The following KCNH1 variants were observed in gnomAD, a reference collection of about 807,000 sequenced individuals.
The protein encoded by KCNH1 is potassium voltage-gated channel subfamily H member 1, also known as voltage-gated delayed rectifier potassium channel KCNH1.
A neutral mutation model predicts 69.2 loss-of-function variants in KCNH1; 27 were observed. The observed-to-expected ratio is 0.39, with a 90% CI of 0.29 to 0.54. The LOEUF (loss-of-function observed/expected upper bound fraction) is 0.54. Among genes scored for constraint, KCNH1 ranks in the 20% least tolerant of loss-of-function variants. The probability of loss-of-function intolerance (pLI) is 0.68; values close to 1 mark genes in which losing one functional copy is unlikely to be tolerated. For synonymous variants in KCNH1, 456 were observed against 487.7 expected, an observed-to-expected ratio of 0.93 and a Z score of 0.86; for missense variants, 798 against 1,261.6, an observed-to-expected ratio of 0.63 and a Z score of 5.57.
At chr1:210,834,263 T>C (rs1685232611) in intron 7 of KCNH1, among the ~76,000 whole-genome samples, 1 of 150,734 alleles carries the variant, frequency 6.6e-6, no homozygotes, top group Admixed American at 6.6e-5. Flanking sequence ...CTATTCACAA[T>C]AGCAAAGACT....
intron 6 of KCNH1, among the ~76,000 whole-genome samples, chr1:210,993,307 C>T (rs748214583): frequency 1.3e-5 from 2 of 152,016 alleles, no homozygotes; most frequent in South Asian, 2.1e-4. Context: ...CTCATTCTAC[C>T]GAAAAGGAAT....
Position 210,764,248 on chromosome 1 carries a change from C to T in KCNH1, c.2112+11100G>A, listed in dbSNP as rs566133446. Among the ~76,000 whole-genome samples, 27 of 152,174 alleles carry T rather than the reference C, an allele frequency of 1.8e-4. 1 individual carries two copies. In the South Asian group the frequency reaches 5.2e-3, roughly 29 times the overall value. The stretch of plus-strand genomic sequence containing the variant: ...ATGAATTAAAGACTTAAATGTAATA[C>T]CTCAAACTATAAAAATCCTAGAAGA... On this transcript the variant is annotated intron_variant, in intron 10 of 10. Transcript: ENST00000271751.
At chr1:210,877,897 T>C (rs543744506) in intron 7 of KCNH1, among the ~76,000 whole-genome samples, 1 of 152,196 alleles carries the variant, frequency 6.6e-6, no homozygotes, top group East Asian at 1.9e-4. Flanking sequence ...TCATTAACAG[T>C]GTAAGTCAAA....
chr1:210,839,378 G>A (rs1338933210), intron 7 of KCNH1, among the ~76,000 whole-genome samples: 1 of 151,902 alleles, frequency 6.6e-6, no homozygotes, highest in Non-Finnish European at 1.5e-5. Context: ...ATGGACACAC[G>A]CTGGGGAACA....
chr1:210,796,812 C>A (rs574394515), intron 9 of KCNH1, among the ~76,000 whole-genome samples: 2 of 152,068 alleles, frequency 1.3e-5, no homozygotes, highest in Non-Finnish European at 2.9e-5. Context: ...GTCTCCTTAC[C>A]CCAGCCTTCC....
intron 10 of KCNH1, among the ~76,000 whole-genome samples, chr1:210,754,756 A>C (rs892298693): frequency 2.6e-5 from 4 of 152,034 alleles, no homozygotes; most frequent in African/African-American, 9.7e-5. Flanking sequence ...ACCATGAGCT[A>C]ATTAAAACTC....
intron 7 of KCNH1, among the ~76,000 whole-genome samples, chr1:210,804,964 A>G (rs1684504860): frequency 6.6e-6 from 1 of 152,190 alleles, no homozygotes; most frequent in African/African-American, 2.4e-5. Flanking sequence ...AAGGACCATT[A>G]TGTTATTACA....
At chr1:211,012,619 G>T (rs1689414054) in intron 6 of KCNH1, among the ~76,000 whole-genome samples, 1 of 152,152 alleles carries the variant, frequency 6.6e-6, no homozygotes, top group Non-Finnish European at 1.5e-5. Context: ...CTAGGAATTG[G>T]GGTAGGGGGA....
rs1689537366 is a variant in KCNH1, at chr1:211,018,676, C to T, written c.1032+107G>A. Reference sequence around the variant, plus strand: ...TCAAGCATGCTCCCTCTGTTCTGGACATCAGTCATGCTATTTCCCACCCAT... The same window carrying T: ...TCAAGCATGCTCCCTCTGTTCTGGATATCAGTCATGCTATTTCCCACCCAT... On this transcript the variant is annotated intron_variant, in intron 6 of 10. Coordinates refer to ENST00000271751, the MANE Select transcript of KCNH1 (RefSeq NM_172362.3). 3.4e-6 allele frequency: 3 copies of T among 893,800 alleles called. No homozygotes were observed. In the Admixed American group the frequency reaches 7.3e-5, roughly 22 times the overall value. The allele number at this position is 893,800 out of a possible 1,614,324, so 55.4% of individuals were successfully genotyped here. A position where few individuals can be genotyped will look rare whatever the true frequency, so the allele number is the denominator to read the frequency against.
chr1:211,066,411 C>CA lies in KCNH1; in HGVS notation c.558+16368dup, dbSNP rs541285256. Among the ~76,000 whole-genome samples, 57 of 152,166 alleles carry CA rather than the reference C, an allele frequency of 3.7e-4. 1 individual carries two copies. The highest frequency in any genetic ancestry group is 1.3e-3 in the African/African-American group (56 of 41,512). On this transcript the variant is annotated intron_variant, in intron 5 of 10. Coordinates refer to ENST00000271751, the MANE Select transcript of KCNH1 (RefSeq NM_172362.3). Reference sequence around the variant, plus strand: ...CTTGGGAATGGAACCCAAGTCTAAACAAAAAATTCATTTTTGTTTCATGTA... The same window carrying CA: ...CTTGGGAATGGAACCCAAGTCTAAACAAAAAAATTCATTTTTGTTTCATGTA...
chr1:210,947,845 C>G (rs942245868), intron 6 of KCNH1, among the ~76,000 whole-genome samples: 1 of 152,084 alleles, frequency 6.6e-6, no homozygotes, highest in Non-Finnish European at 1.5e-5. Flanking sequence ...GAGCATATCA[C>G]TTAATCACTA....
chr1:211,087,973 C>A (rs1462808378), intron 4 of KCNH1, among the ~76,000 whole-genome samples: 2 of 152,124 alleles, frequency 1.3e-5, no homozygotes. Context: ...GTGTTGGACC[C>A]TTTGTGGGCG....
At chr1:210,916,968 T>C (rs2102556872) in intron 7 of KCNH1, among the ~76,000 whole-genome samples, 1 of 151,890 alleles carries the variant, frequency 6.6e-6, no homozygotes, top group Non-Finnish European at 1.5e-5. Flanking sequence ...GCCAACATGG[T>C]GAAACCCCAT....
intron 10 of KCNH1, among the ~76,000 whole-genome samples, chr1:210,718,970 G>A (rs770621323): frequency 1.3e-5 from 2 of 152,074 alleles, no homozygotes; most frequent in Non-Finnish European, 2.9e-5. Flanking sequence ...GATTTCCAGC[G>A]TGGTAGATGA....
Position 210,683,536 on chromosome 1 carries a change from G to A in KCNH1, c.2715C>T (p.Pro905=). The stretch of plus-strand genomic sequence containing the variant: ...ACGAATGCTTGACCTCTGCCAGGAT[G>A]GGACTCCGATCCTGGGGACTCCTGG... ...GEARSPQDRS[P]ILAEVKHSFY... The change falls in exon 11 of 11, where the codon CCC becomes CCT. Residue 905 remains proline (P), a synonymous_variant. Coordinates refer to ENST00000271751, the MANE Select transcript of KCNH1 (RefSeq NM_172362.3). This position sits in a 1 kb window ranked among gnomAD's most constrained non-coding sequence, Gnocchi z 5.7. 6.2e-7 allele frequency: 1 copy of A among 1,614,102 alleles called. No individual in the cohort carries two copies. The highest frequency in any genetic ancestry group is 8.5e-7 in the Non-Finnish European group (1 of 1,180,028).
At chr1:210,901,465 G>A (rs901567209) in intron 7 of KCNH1, among the ~76,000 whole-genome samples, 6 of 152,196 alleles carry the variant, frequency 3.9e-5, no homozygotes, top group Non-Finnish European at 8.8e-5. Flanking sequence ...GTGTGGGATG[G>A]TGTGGGCAGA....
chr1:210,781,128 C>A (rs551269589), intron 9 of KCNH1, among the ~76,000 whole-genome samples: 35 of 152,282 alleles, frequency 2.3e-4, no homozygotes, highest in South Asian at 1.7e-3. Flanking sequence ...CCTTCATTCA[C>A]CTGTAGAAAT....
rs150451228 is a variant in KCNH1, at chr1:210,849,365, C to CTTTTTTTTTTTT, written c.1463-45211_1463-45200dup. Reference sequence around the variant, plus strand: ...TGCGTGTGTGTGCTTTTCTTTCTTTCTTTTTTTTTTTTTTTTTGAGACGGA... The same window carrying CTTTTTTTTTTTT: ...TGCGTGTGTGTGCTTTTCTTTCTTTCTTTTTTTTTTTTTTTTTTTTTTTTTTTTTGAGACGGA... On this transcript the variant is annotated intron_variant, in intron 7 of 10. Transcript: ENST00000271751. Among the ~76,000 whole-genome samples, 4 of 128,040 alleles carry CTTTTTTTTTTTT rather than the reference C, an allele frequency of 3.1e-5. 1 individual carries two copies. Among genetic ancestry groups the CTTTTTTTTTTTT allele is most frequent in the Non-Finnish European group, 4.9e-5 (3 of 61,220 alleles). 84.0% of individuals were successfully genotyped at this position (128,040 alleles called of 152,430 possible). A position where few individuals can be genotyped will look rare whatever the true frequency, so the allele number is the denominator to read the frequency against.
intron 9 of KCNH1, among the ~76,000 whole-genome samples, chr1:210,791,249 C>T (rs1156902838): frequency 1.3e-5 from 2 of 152,232 alleles, no homozygotes. Context: ...TTCATCATCT[C>T]ACCCCATTCC....
Sources: allele counts gnomAD v4.1 joint callset (sites outside exome capture counted in the v4.1 genomes callset), GRCh38; gene constraint gnomAD v4.1.1; non-coding constraint Gnocchi (gnomAD v3.1); transcripts MANE v1.5; gene names NCBI Gene and HGNC (gene_info 2026-07-23, HGNC 2026-07-21).